GOLGA3: variants seen among roughly 807,000 people sequenced by gnomAD.
GOLGA3 encodes the protein golgin A3.
A neutral mutation model predicts 169.4 loss-of-function variants in GOLGA3; 75 were observed. That is an observed-to-expected ratio of 0.44 (90% CI 0.37 to 0.54). GOLGA3 has a LOEUF of 0.54. Ranked by LOEUF, GOLGA3 falls within the 20% of genes least tolerant of loss-of-function variation. The pLI is 0.00. For synonymous variants in GOLGA3, 824 were observed against 822.4 expected (o/e 1.00, Z -0.03); for missense variants, 1,899 against 1,930.0 (o/e 0.98, Z 0.30).
chr12:132,773,396 G>C, intron 23 of GOLGA3, 102 bp from the exon 24 acceptor site: 1 of 680,848 alleles, frequency 1.5e-6, no homozygotes, highest in Non-Finnish European at 2.3e-6. Flanking sequence ...GTGGACCGGG[G>C]CGCCTTCGGG....
intron 4 of GOLGA3, among the ~76,000 whole-genome samples, chr12:132,809,084 AGGTCACGTG>A (rs1949567438): frequency 6.6e-6 from 1 of 152,222 alleles, no homozygotes; most frequent in Admixed American, 6.5e-5. Context: ...ATGATAGGTA[AGGTCACGTG>A]GGTCACGTGT....
chr12:132,777,932 A>G lies in GOLGA3; in HGVS notation c.3583-127T>C. The G allele has an allele frequency of 9.8e-7, 1 of 1,020,928 alleles. No homozygotes were observed. 63.2% of individuals were successfully genotyped at this position (1,020,928 alleles called of 1,614,324 possible). Reference sequence around the variant, plus strand: ...CCTGGCTGCCGGCGTGTGCTTCTCCACAGGCCTGTCAAGTTCCTTGTAAAG... The same window carrying G: ...CCTGGCTGCCGGCGTGTGCTTCTCCGCAGGCCTGTCAAGTTCCTTGTAAAG... On this transcript the variant is annotated intron_variant, in intron 18 of 23. Transcript: ENST00000450791. This position sits in a 1 kb window ranked among gnomAD's most constrained non-coding sequence, Gnocchi z 4.7.
intron 1 of GOLGA3, chr12:132,825,913 G>C (rs1239364392): frequency 3.1e-6 from 3 of 967,390 alleles, no homozygotes; most frequent in African/African-American, 1.6e-5. Flanking sequence ...TTCGAGGGCG[G>C]ATCCTCTCTG....
chr12:132,783,725 C>A (rs1052936495), intron 16 of GOLGA3: 38 of 282,496 alleles, frequency 1.3e-4, no homozygotes, highest in Middle Eastern at 1.2e-3. Flanking sequence ...CTACAGGCAC[C>A]CGCCACCACA....
intron 21 of GOLGA3, among the ~76,000 whole-genome samples, chr12:132,775,729 G>A (rs2045189747): frequency 6.6e-6 from 1 of 151,490 alleles, no homozygotes; most frequent in South Asian, 2.1e-4. Context: ...TTGGATTTCT[G>A]GATGATGGAC....
At chr12:132,783,981 G>A in intron 16 of GOLGA3, 183 bp downstream of exon 16, 2 of 1,486,430 alleles carry the variant, frequency 1.3e-6, no homozygotes, top group Non-Finnish European at 1.8e-6. Context: ...CTCCCCAGAG[G>A]GCTGGAATCA....
intron 8 of GOLGA3, 21 bp downstream of exon 8, chr12:132,801,746 G>C: frequency 6.2e-7 from 1 of 1,603,066 alleles, no homozygotes; most frequent in South Asian, 1.1e-5. Context: ...ACCTGCCCTG[G>C]AAGGTAGATG....
chr12:132,826,084 G>T, intron 1 of GOLGA3: 2 of 1,448,020 alleles, frequency 1.4e-6, no homozygotes, highest in Non-Finnish European at 1.9e-6. Flanking sequence ...TCGTCACAGT[G>T]GGCGAGTGCC....
intron 11 of GOLGA3, 128 bp from the exon 12 acceptor site, chr12:132,791,421 G>A (rs2046225668): frequency 1.7e-6 from 1 of 590,074 alleles, no homozygotes; most frequent in Admixed American, 2.8e-5. Flanking sequence ...GCTCCAGGAG[G>A]GGACACATCC....
chr12:132,798,433 G>A lies in GOLGA3; in HGVS notation c.1845C>T (p.Leu615=), dbSNP rs775013066. Residue 615 remains leucine, a synonymous_variant, in exon 9 of 24, where the codon CTC becomes CTT. Coordinates refer to ENST00000450791, the MANE Select transcript of GOLGA3 (RefSeq NM_001389683.1). ...GCTGCTGGGACAGGGACACATTCTC[G>A]AGTTTCAGGTGCTCCAGGAGACCTG... ...TQAGLLEHLK[L]ENVSLSQQLT... is the part of the protein sequence containing the mutation. The A allele has an allele frequency of 2.7e-5, 43 of 1,613,096 alleles. No homozygotes were observed. Among genetic ancestry groups the A allele is most frequent in the South Asian group, 6.6e-5 (6 of 91,056 alleles).
chr12:132,783,470 C>A (rs2045722045), intron 16 of GOLGA3, among the ~76,000 whole-genome samples: 2 of 27,724 alleles, frequency 7.2e-5, no homozygotes, highest in African/African-American at 1.8e-4. Flanking sequence ...AACAGGCGGC[C>A]CTACTGTGAC....
At position 132,777,895 on chromosome 12, in the gene GOLGA3, C is replaced by A. The variant is rs1393166178; in HGVS notation, c.3583-90G>T. 1 of 1,405,276 alleles carries A rather than the reference C, an allele frequency of 7.1e-7. No homozygotes were observed. The highest frequency in any genetic ancestry group is 9.7e-7 in the Non-Finnish European group (1 of 1,030,470). 87.1% of individuals were successfully genotyped at this position (1,405,276 alleles called of 1,614,324 possible). A position where few individuals can be genotyped will look rare whatever the true frequency, so the allele number is the denominator to read the frequency against. On this transcript the variant is annotated intron_variant, in intron 18 of 23. Coordinates refer to ENST00000450791, the MANE Select transcript of GOLGA3 (RefSeq NM_001389683.1). The surrounding 1 kb of genome is among the most constrained non-coding windows in gnomAD (Gnocchi z 4.7). ...GCGCAGGGGGTGAATGCACTCCCGG[C>A]CCCGTGCATGTCCTGGCTGCCGGCG... is the stretch of plus-strand genomic sequence containing the variant.
Position 132,782,446 on chromosome 12 carries a change from C to T in GOLGA3, c.3315G>A (p.Glu1105=), listed in dbSNP as rs958069831. ...GFRKKIKRLE[E]SNKKLALELE... ...ATTCAAGAGCCAACTTCTTGTTTGACTCCTCAAGGCGTTTTATCTTCTTCC... is the reference window on the plus strand; with the variant it reads ...ATTCAAGAGCCAACTTCTTGTTTGATTCCTCAAGGCGTTTTATCTTCTTCC... Residue 1105 remains glutamate, a synonymous_variant, in exon 17 of 24, where the codon GAG becomes GAA. Coordinates refer to ENST00000450791, the MANE Select transcript of GOLGA3 (RefSeq NM_001389683.1). 2.5e-6 allele frequency: 4 copies of T among 1,614,172 alleles called. No homozygotes were observed. The highest frequency in any genetic ancestry group is 1.7e-6 in the Non-Finnish European group (2 of 1,179,962).
rs773103798 is a variant in GOLGA3, at chr12:132,789,166, T to C, written c.2672A>G (p.His891Arg). 6.2e-7 allele frequency: 1 copy of C among 1,612,368 alleles called. No homozygotes were observed. The highest frequency in any genetic ancestry group is 8.5e-7 in the Non-Finnish European group (1 of 1,180,024). ...CGCCTCGGCAGTCCGCTTCTCCCCG[T>C]GCACTTGCATCAGCTCCTGCCGCAG... is the stretch of plus-strand genomic sequence containing the variant. ...KELRQELMQV[H>R]GEKRTAEAEL... The change falls in exon 13 of 24, where the codon CAC becomes CGC. Residue 891 changes from histidine (H) to arginine (R), a missense_variant. By Grantham distance (29) the His-to-Arg change is conservative (BLOSUM62 0). Coordinates refer to ENST00000450791, the MANE Select transcript of GOLGA3 (RefSeq NM_001389683.1).
At position 132,779,913 on chromosome 12, in the gene GOLGA3, G is replaced by GC. The variant is rs1170702013; in HGVS notation, c.3582+884dup. Among the ~76,000 whole-genome samples, 14 of 110,378 alleles carry GC rather than the reference G, an allele frequency of 1.3e-4. 1 individual carries two copies. The highest frequency in any genetic ancestry group is 2.3e-4 in the Non-Finnish European group (13 of 56,550). The allele number at this position is 110,378 out of a possible 152,430, so 72.4% of individuals were successfully genotyped here. A position where few individuals can be genotyped will look rare whatever the true frequency, so the allele number is the denominator to read the frequency against. On this transcript the variant is annotated intron_variant, in intron 18 of 23. Coordinates refer to ENST00000450791, the MANE Select transcript of GOLGA3 (RefSeq NM_001389683.1). ...AGACATCACAACTCTTGCACGCACA[G>GC]CCCCCCGCATGCACACAACCCAGGC...
At chr12:132,800,291 C>G (rs1265261112) in intron 8 of GOLGA3, among the ~76,000 whole-genome samples, 1 of 152,064 alleles carries the variant, frequency 6.6e-6, no homozygotes, top group Non-Finnish European at 1.5e-5. Context: ...GTCAAGAGTT[C>G]AAGACGAGCT....
chr12:132,807,587 G>A (rs865981845), intron 5 of GOLGA3, among the ~76,000 whole-genome samples: 13 of 152,174 alleles, frequency 8.5e-5, no homozygotes, highest in Admixed American at 8.5e-4. Flanking sequence ...GACCATTGCT[G>A]ATCTAATTCT....
At chr12:132,776,047 G>A (rs1166221620) in intron 21 of GOLGA3, among the ~76,000 whole-genome samples, 1 of 152,248 alleles carries the variant, frequency 6.6e-6, no homozygotes, top group African/African-American at 2.4e-5. Context: ...CCCACTGGAC[G>A]AGGGCGCCAG....
chr12:132,807,302 C>T lies in GOLGA3; in HGVS notation c.1179-14G>A. 2 of 1,477,544 alleles carry T rather than the reference C, an allele frequency of 1.4e-6. No homozygotes were observed. Among genetic ancestry groups the T allele is most frequent in the Non-Finnish European group, 1.9e-6 (2 of 1,079,356 alleles). The allele number at this position is 1,477,544 out of a possible 1,614,324, so 91.5% of individuals were successfully genotyped here. ...TCCAAGGACACGCTGGGGACAAAGGCACGGGTCAGGCCTGTGCGAGCCATC... is the reference window on the plus strand; with the variant it reads ...TCCAAGGACACGCTGGGGACAAAGGTACGGGTCAGGCCTGTGCGAGCCATC... On this transcript the variant is annotated splice_polypyrimidine_tract_variant and intron_variant, in intron 5 of 23. Transcript: ENST00000450791.
Sources: allele counts gnomAD v4.1 joint callset (sites outside exome capture counted in the v4.1 genomes callset), GRCh38; gene constraint gnomAD v4.1.1; non-coding constraint Gnocchi (gnomAD v3.1); transcripts MANE v1.5; gene names NCBI Gene and HGNC (gene_info 2026-07-23, HGNC 2026-07-21).